The following CNTN1 variants were observed in gnomAD, a reference collection of about 807,000 sequenced individuals.
CNTN1 encodes contactin-1.
A neutral mutation model predicts 126.4 loss-of-function variants in CNTN1; 38 were observed. The observed-to-expected ratio is 0.30, with a 90% CI of 0.23 to 0.39. The LOEUF is 0.39. CNTN1 is among the 10% of genes least tolerant of loss of function. CNTN1 has a pLI of 1.00. For synonymous variants in CNTN1, 413 were observed against 422.6 expected (o/e 0.98, Z 0.28); for missense variants, 1,009 against 1,248.4 (o/e 0.81, Z 2.89).
At chr12:41,039,861 G>A (rs1047556595) in intron 23 of CNTN1, among the ~76,000 whole-genome samples, 1 of 151,970 alleles carries the variant, frequency 6.6e-6, no homozygotes, top group Non-Finnish European at 1.5e-5. Context: ...GCTGAACAGA[G>A]TCAGTATTAT....
At chr12:40,726,579 G>A (rs914153319) in intron 1 of CNTN1, among the ~76,000 whole-genome samples, 2 of 152,128 alleles carry the variant, frequency 1.3e-5, no homozygotes, top group Admixed American at 1.3e-4. Flanking sequence ...ACCATGATCC[G>A]ATTACCTCCA....
At chr12:40,721,879 A>C (rs1942226555) in intron 1 of CNTN1, among the ~76,000 whole-genome samples, 1 of 150,926 alleles carries the variant, frequency 6.6e-6, no homozygotes, top group African/African-American at 2.4e-5. Context: ...AAGGACATGA[A>C]CTCATCATTT....
intron 1 of CNTN1, among the ~76,000 whole-genome samples, chr12:40,701,628 A>G (rs1194266677): frequency 6.6e-6 from 1 of 152,158 alleles, no homozygotes; most frequent in Non-Finnish European, 1.5e-5. Context: ...AATTTAAAAT[A>G]TTTGTAAATG....
chr12:41,044,164 T>C (rs1273358723), intron 23 of CNTN1, among the ~76,000 whole-genome samples: 1 of 151,080 alleles, frequency 6.6e-6, no homozygotes. Flanking sequence ...ATAAAATAAA[T>C]AAAAAAATAA....
intron 1 of CNTN1, among the ~76,000 whole-genome samples, chr12:40,824,556 G>A (rs538587291): frequency 4.6e-5 from 7 of 152,160 alleles, no homozygotes; most frequent in Admixed American, 2.0e-4. Context: ...TCCAAAAACT[G>A]TATTGTTAAC....
chr12:41,005,218 G>GT lies in CNTN1; in HGVS notation c.2114-9007dup, dbSNP rs370148081. The GT allele has an allele frequency of 3.5e-3, 530 of 152,200 alleles. 2 individuals are homozygous for GT. Among genetic ancestry groups the GT allele is most frequent in the African/African-American group, 0.012 (495 of 41,542 alleles). 9.4% of individuals were successfully genotyped at this position (152,200 alleles called of 1,614,324 possible). A position where few individuals can be genotyped will look rare whatever the true frequency, so the allele number is the denominator to read the frequency against. On this transcript the variant is annotated intron_variant, in intron 17 of 23. Transcript: ENST00000551295. Reference sequence around the variant, plus strand: ...TAGTTTGGCTAGATATAGAATTCTGGTTTGGAATTTCTTTTCTGTAAGAAT... The same window carrying GT: ...TAGTTTGGCTAGATATAGAATTCTGGTTTTGGAATTTCTTTTCTGTAAGAAT...
intron 1 of CNTN1, among the ~76,000 whole-genome samples, chr12:40,705,074 C>T (rs1941704834): frequency 6.6e-6 from 1 of 152,124 alleles, no homozygotes; most frequent in Non-Finnish European, 1.5e-5. Context: ...TTCTTTGTTT[C>T]CTCTTTACTT....
chr12:40,774,628 T>C (rs1297213026), intron 1 of CNTN1, among the ~76,000 whole-genome samples: 1 of 151,678 alleles, frequency 6.6e-6, no homozygotes, highest in Non-Finnish European at 1.5e-5. Flanking sequence ...ATTCTACTGC[T>C]TCCTCTCCAG....
chr12:40,868,561 C>T (rs570026321), intron 1 of CNTN1, among the ~76,000 whole-genome samples: 1 of 152,112 alleles, frequency 6.6e-6, no homozygotes, highest in Non-Finnish European at 1.5e-5. Flanking sequence ...CTCTTCACTT[C>T]CACGGACCTA....
intron 6 of CNTN1, among the ~76,000 whole-genome samples, chr12:40,929,428 T>A (rs1445076511): frequency 1.3e-5 from 2 of 152,004 alleles, no homozygotes; most frequent in African/African-American, 2.4e-5. Flanking sequence ...GGCAGATTAA[T>A]CATGGCTTTC....
chr12:40,756,286 G>A (rs946967907), intron 1 of CNTN1, among the ~76,000 whole-genome samples: 7 of 152,208 alleles, frequency 4.6e-5, no homozygotes, highest in East Asian at 1.9e-4. Flanking sequence ...AACTTAGAGC[G>A]AGTGATCTGG....
intron 1 of CNTN1, among the ~76,000 whole-genome samples, chr12:40,872,057 C>T (rs1360478769): frequency 6.6e-6 from 1 of 151,864 alleles, no homozygotes; most frequent in Non-Finnish European, 1.5e-5. Context: ...TTGAAGTTAC[C>T]TCGGAAGTCA....
intron 1 of CNTN1, among the ~76,000 whole-genome samples, chr12:40,817,988 G>A (rs930105032): frequency 6.6e-6 from 1 of 152,026 alleles, no homozygotes; most frequent in African/African-American, 2.4e-5. Flanking sequence ...TTGAATATTG[G>A]CCCCCCATCT....
At chr12:40,994,671 G>A (rs1948170987) in intron 17 of CNTN1, among the ~76,000 whole-genome samples, 1 of 152,002 alleles carries the variant, frequency 6.6e-6, no homozygotes, top group African/African-American at 2.4e-5. Flanking sequence ...CTCCTATAAA[G>A]CTTCATCTTA....
intron 1 of CNTN1, among the ~76,000 whole-genome samples, chr12:40,716,292 C>G (rs1375346988): frequency 6.6e-6 from 1 of 150,920 alleles, no homozygotes; most frequent in East Asian, 2.0e-4. Flanking sequence ...TCCTTCCTCT[C>G]TCTCCCTTTC....
At chr12:40,928,146 T>G (rs1173254476) in intron 6 of CNTN1, among the ~76,000 whole-genome samples, 1 of 152,054 alleles carries the variant, frequency 6.6e-6, no homozygotes, top group Non-Finnish European at 1.5e-5. Flanking sequence ...TTTCTTGACA[T>G]TTTTGGCTTT....
At chr12:40,955,023 C>T (rs1002922836) in intron 14 of CNTN1, among the ~76,000 whole-genome samples, 3 of 152,032 alleles carry the variant, frequency 2.0e-5, no homozygotes, top group African/African-American at 7.2e-5. Context: ...AGACCCTACT[C>T]TAAGTCAAAA....
intron 1 of CNTN1, among the ~76,000 whole-genome samples, chr12:40,906,391 T>A (rs1324528731): frequency 6.6e-6 from 1 of 152,124 alleles, no homozygotes; most frequent in African/African-American, 2.4e-5. Flanking sequence ...TTATATATAT[T>A]AAAAAGGAAA....
intron 1 of CNTN1, among the ~76,000 whole-genome samples, chr12:40,712,846 G>A (rs906253893): frequency 1.3e-5 from 2 of 152,092 alleles, no homozygotes; most frequent in African/African-American, 4.8e-5. Flanking sequence ...AATTCCCAAT[G>A]TTGGTGGTGT....
Sources: gnomAD v4.1 joint callset for allele counts (sites outside exome capture counted in the v4.1 genomes callset) on GRCh38, gnomAD v4.1.1 for gene constraint, MANE v1.5 for transcripts, NCBI Gene and HGNC (gene_info 2026-07-23, HGNC 2026-07-21) for gene names.